The following AP1B1 variants were observed in gnomAD, a reference collection of about 807,000 sequenced individuals.
AP1B1 encodes the protein AP-1 complex subunit beta-1.
In AP1B1, 36 loss-of-function variants were observed where a neutral mutation model predicts 104.3. The ratio of observed to expected loss-of-function variants is 0.35; its 90% CI spans 0.26 to 0.46. The LOEUF is 0.46. AP1B1 is among the 20% of genes least tolerant of loss of function. AP1B1 has a pLI of 1.00. For synonymous variants in AP1B1, 504 were observed against 517.5 expected (o/e 0.97, Z 0.35); for missense variants, 901 against 1,247.9 (o/e 0.72, Z 4.19).
chr22:29,337,889 C>A (rs1378697470), intron 16 of AP1B1, among the ~76,000 whole-genome samples: 1 of 152,368 alleles, frequency 6.6e-6, no homozygotes, highest in Non-Finnish European at 1.5e-5. Flanking sequence ...CCCTTCCCTG[C>A]AGACGCAGCC....
chr22:29,354,849 T>A lies in AP1B1; in HGVS notation c.739A>T (p.Arg247Trp), dbSNP rs2061931076. 1.2e-6 allele frequency: 2 copies of A among 1,613,890 alleles called. No homozygotes were observed. The highest frequency in any genetic ancestry group is 1.7e-5 in the Admixed American group (1 of 59,980). Residue 247 changes from arginine (R) to tryptophan (W), a missense_variant, in exon 7 of 23, where the codon AGG becomes TGG. Arg to Trp is a moderately radical substitution (Grantham distance 101). Transcript: ENST00000357586. The part of the protein sequence containing the change: ...AQSICERVTP[R>W]LSHANSAVVL... ...ACAGCGGAGTTGGCATGGGAGAGCC[T>A]GGGGGTGACCCGCTCACAGATGCTG...
chr22:29,354,634 G>C lies in AP1B1; in HGVS notation c.938+16C>G. On this transcript the variant is annotated intron_variant, in intron 7 of 22. Transcript: ENST00000357586. ...CCGAGGGGTACGCATGGACGTGCGT[G>C]TGGTGACCTCAGTACCTTTTCTGCA... The C allele has an allele frequency of 6.2e-7, 1 of 1,612,232 alleles. No individual in the cohort carries two copies. Among genetic ancestry groups the C allele is most frequent in the Non-Finnish European group, 8.5e-7 (1 of 1,178,438 alleles).
chr22:29,347,369 T>A (rs1325066750), intron 11 of AP1B1, among the ~76,000 whole-genome samples: 1 of 152,224 alleles, frequency 6.6e-6, no homozygotes, highest in Non-Finnish European at 1.5e-5. Flanking sequence ...CTAATTTAAC[T>A]TTCGTAGCAA....
At chr22:29,364,639 G>A (rs2062103146) in intron 2 of AP1B1, among the ~76,000 whole-genome samples, 1 of 151,296 alleles carries the variant, frequency 6.6e-6, no homozygotes, top group Non-Finnish European at 1.5e-5. Flanking sequence ...GGCTGGTCTT[G>A]AACTGATCTC....
chr22:29,338,170 C>A (rs1055049035), intron 16 of AP1B1, among the ~76,000 whole-genome samples: 1 of 152,218 alleles, frequency 6.6e-6, no homozygotes, highest in African/African-American at 2.4e-5. Flanking sequence ...CACCCCACAA[C>A]AAGCAACTGT....
chr22:29,340,045 CCCGTGCTGCCA>C (rs1460605628), intron 14 of AP1B1, among the ~76,000 whole-genome samples: 5 of 152,098 alleles, frequency 3.3e-5, no homozygotes, highest in Admixed American at 6.5e-5. Context: ...GTGTCCTGCC[CCCGTGCTGCCA>C]CCGTGCGGAC....
chr22:29,358,599 C>A (rs768536075), intron 5 of AP1B1, 127 bp downstream of exon 5: 6 of 1,310,818 alleles, frequency 4.6e-6, no homozygotes, highest in East Asian at 2.3e-5. Flanking sequence ...GGCACAAGAA[C>A]AACTGGCACC....
At chr22:29,364,447 C>G (rs1190272030) in intron 2 of AP1B1, among the ~76,000 whole-genome samples, 3 of 152,212 alleles carry the variant, frequency 2.0e-5, no homozygotes, top group African/African-American at 7.2e-5. Context: ...GAGACAGAGT[C>G]TTGCTCTGTC....
intron 7 of AP1B1, among the ~76,000 whole-genome samples, chr22:29,354,229 C>T (rs940538330): frequency 5.3e-5 from 8 of 152,234 alleles, no homozygotes; most frequent in Non-Finnish European, 1.0e-4. Context: ...CAGCCCATTT[C>T]AGGACAGCTC....
At chr22:29,352,680 A>G (rs1229670808) in intron 7 of AP1B1, among the ~76,000 whole-genome samples, 1 of 152,162 alleles carries the variant, frequency 6.6e-6, no homozygotes, top group Non-Finnish European at 1.5e-5. Flanking sequence ...TGTCATCCCA[A>G]CACTTTGGGA....
intron 1 of AP1B1, among the ~76,000 whole-genome samples, chr22:29,375,726 C>A (rs1386190343): frequency 6.6e-6 from 1 of 152,222 alleles, no homozygotes; most frequent in Non-Finnish European, 1.5e-5. Context: ...CTACCCCCAT[C>A]TCTGGGCCTG....
chr22:29,369,837 ATTTT>A (rs564733165), intron 1 of AP1B1, among the ~76,000 whole-genome samples: 19 of 120,184 alleles, frequency 1.6e-4, no homozygotes, highest in African/African-American at 3.1e-4. Context: ...ATTAAAAACG[ATTTT>A]TTTTTTTTTT....
chr22:29,363,333 T>A (rs1173915155), intron 2 of AP1B1, among the ~76,000 whole-genome samples: 2 of 152,182 alleles, frequency 1.3e-5, no homozygotes, highest in African/African-American at 4.8e-5. Context: ...CAGTCGCTCA[T>A]ACCTGTAATC....
intron 11 of AP1B1, among the ~76,000 whole-genome samples, chr22:29,346,787 G>A (rs1017350575): frequency 3.3e-5 from 5 of 151,054 alleles, no homozygotes; most frequent in African/African-American, 1.2e-4. Context: ...CTGGAGGCAG[G>A]TGGCAGTGGG....
At chr22:29,333,624 G>C (rs1329342364) in intron 17 of AP1B1, among the ~76,000 whole-genome samples, 3 of 152,054 alleles carry the variant, frequency 2.0e-5, no homozygotes, top group East Asian at 3.9e-4. Flanking sequence ...TGAGGCAGGA[G>C]GATTGCTTGA....
intron 3 of AP1B1, 25 bp downstream of exon 3, chr22:29,362,976 T>G (rs1337124636): frequency 6.3e-7 from 1 of 1,593,352 alleles, no homozygotes; most frequent in Non-Finnish European, 8.6e-7. Flanking sequence ...AGCTTCTAGC[T>G]GCCACCAGGC....
chr22:29,363,503 C>G (rs1192675618), intron 2 of AP1B1, among the ~76,000 whole-genome samples: 1 of 152,046 alleles, frequency 6.6e-6, no homozygotes, highest in Non-Finnish European at 1.5e-5. Flanking sequence ...AAAAAATTAG[C>G]CGGGCATAGT....
chr22:29,346,300 C>T (rs2061791804), intron 11 of AP1B1, among the ~76,000 whole-genome samples: 1 of 152,210 alleles, frequency 6.6e-6, no homozygotes, highest in African/African-American at 2.4e-5. Flanking sequence ...AAGACTGACC[C>T]TATTATAGGG....
intron 20 of AP1B1, 23 bp downstream of exon 20, chr22:29,330,600 G>T (rs1333617523): frequency 5.6e-6 from 9 of 1,613,724 alleles, no homozygotes; most frequent in South Asian, 1.1e-5. Context: ...GAGGGGCTGG[G>T]GTCGGGGGCT....
Sources: allele counts gnomAD v4.1 joint callset (sites outside exome capture counted in the v4.1 genomes callset), GRCh38; gene constraint gnomAD v4.1.1; transcripts MANE v1.5; gene names NCBI Gene and HGNC (gene_info 2026-07-23, HGNC 2026-07-21).